Variants in MAPK4 observed in about 807,000 individuals in gnomAD.
The protein encoded by MAPK4 is Erk3-related.
A neutral mutation model predicts 47.7 loss-of-function variants in MAPK4; 22 were observed. The observed-to-expected ratio is 0.46, with a 90% CI of 0.33 to 0.66. The LOEUF is 0.66. MAPK4 is among the 30% of genes least tolerant of loss of function. The pLI is 0.02. For missense variants in MAPK4, 736 were observed against 831.7 expected (o/e 0.88, Z 1.42); for synonymous variants, 390 against 365.7 (o/e 1.07, Z -0.76).
At chr18:50,572,275 A>T (rs931580427) in intron 1 of MAPK4, among the ~76,000 whole-genome samples, 2 of 152,186 alleles carry the variant, frequency 1.3e-5, no homozygotes, top group Non-Finnish European at 2.9e-5. Context: ...TACACTATGA[A>T]TGAGAATATA....
intron 1 of MAPK4, among the ~76,000 whole-genome samples, chr18:50,619,167 T>C (rs1452253916): frequency 2.0e-5 from 3 of 152,244 alleles, no homozygotes; most frequent in African/African-American, 7.2e-5. Flanking sequence ...GCTAAAGGTA[T>C]AGGAAGTCCT....
chr18:50,656,623 A>T (rs2043112492), intron 1 of MAPK4, among the ~76,000 whole-genome samples: 1 of 152,178 alleles, frequency 6.6e-6, no homozygotes, highest in South Asian at 2.1e-4. Flanking sequence ...GAAAACCAGG[A>T]TCACTGGGGC....
chr18:50,674,074 T>C (rs1348983640), intron 2 of MAPK4, among the ~76,000 whole-genome samples: 1 of 152,126 alleles, frequency 6.6e-6, no homozygotes, highest in African/African-American at 2.4e-5. Flanking sequence ...AATAATGAGC[T>C]CCTCCTTCCT....
At chr18:50,710,407 C>T (rs985144448) in intron 2 of MAPK4, among the ~76,000 whole-genome samples, 22 of 152,126 alleles carry the variant, frequency 1.4e-4, no homozygotes, top group Admixed American at 8.5e-4. Context: ...CGCTTGAATC[C>T]GGGAGGCGGA....
chr18:50,580,335 G>A (rs2042332552), intron 1 of MAPK4, among the ~76,000 whole-genome samples: 2 of 152,208 alleles, frequency 1.3e-5, no homozygotes, highest in Admixed American at 1.3e-4. Flanking sequence ...ATGGGCTGCA[G>A]GATTGGGAGC....
At chr18:50,619,521 G>T (rs1287651769) in intron 1 of MAPK4, among the ~76,000 whole-genome samples, 16 of 151,898 alleles carry the variant, frequency 1.1e-4, no homozygotes, top group Admixed American at 1.0e-3. Context: ...TAGAGACAGG[G>T]TCTCACTGTG....
At chr18:50,605,378 G>A (rs1013874374) in intron 1 of MAPK4, among the ~76,000 whole-genome samples, 1 of 152,152 alleles carries the variant, frequency 6.6e-6, no homozygotes, top group Admixed American at 6.5e-5. Context: ...AGAAATGTCA[G>A]GGACAAAGAT....
intron 1 of MAPK4, among the ~76,000 whole-genome samples, chr18:50,608,965 A>G (rs1286982219): frequency 6.6e-6 from 1 of 151,956 alleles, no homozygotes; most frequent in African/African-American, 2.4e-5. Flanking sequence ...TTAACGAAGC[A>G]CATCTTGCAC....
intron 2 of MAPK4, among the ~76,000 whole-genome samples, chr18:50,686,739 C>T (rs1007718393): frequency 6.6e-6 from 1 of 152,204 alleles, no homozygotes; most frequent in African/African-American, 2.4e-5. Context: ...GTGGTACTCA[C>T]GGCCATCCAG....
chr18:50,595,293 C>T lies in MAPK4; in HGVS notation c.-871+35050C>T, dbSNP rs144438019. ...TAATAATCCCAAGTTGAAATCAACC[C>T]AAAGTTCCGTGAAAGCAGAATGGAT... On this transcript the variant is annotated intron_variant, in intron 1 of 5. Coordinates refer to ENST00000400384, the MANE Select transcript of MAPK4 (RefSeq NM_002747.4). 2.0e-5 allele frequency among the ~76,000 whole-genome samples: 3 copies of T among 152,154 alleles called. No individual in the cohort carries two copies. The East Asian group carries it at 5.8e-4, about 29-fold the overall frequency.
At chr18:50,727,710 T>C (rs1376703917) in intron 5 of MAPK4, among the ~76,000 whole-genome samples, 1 of 152,116 alleles carries the variant, frequency 6.6e-6, no homozygotes, top group Non-Finnish European at 1.5e-5. Context: ...TGACCACCCC[T>C]AAACCTGGTG....
chr18:50,646,956 C>T (rs1015505307), intron 1 of MAPK4, among the ~76,000 whole-genome samples: 10 of 152,138 alleles, frequency 6.6e-5, no homozygotes, highest in African/African-American at 2.4e-4. Flanking sequence ...TGTACTTTTC[C>T]ATCATATACT....
intron 2 of MAPK4, among the ~76,000 whole-genome samples, chr18:50,701,259 G>A (rs1441533216): frequency 6.8e-6 from 1 of 147,474 alleles, no homozygotes; most frequent in Non-Finnish European, 1.5e-5. Flanking sequence ...TGGAGTCCAT[G>A]AAACTTAACC....
intron 1 of MAPK4, among the ~76,000 whole-genome samples, chr18:50,588,452 T>C (rs1360592541): frequency 6.6e-6 from 1 of 152,220 alleles, no homozygotes; most frequent in Non-Finnish European, 1.5e-5. Context: ...GACCCTGGGC[T>C]CAAAAGCCCC....
chr18:50,625,656 G>T (rs531011396), intron 1 of MAPK4, among the ~76,000 whole-genome samples: 12 of 152,120 alleles, frequency 7.9e-5, no homozygotes, highest in African/African-American at 2.9e-4. Flanking sequence ...TTGTAGACTC[G>T]GGGTAGCACA....
At chr18:50,614,204 T>A (rs1443050341) in intron 1 of MAPK4, among the ~76,000 whole-genome samples, 1 of 152,142 alleles carries the variant, frequency 6.6e-6, no homozygotes, top group African/African-American at 2.4e-5. Flanking sequence ...CATTTCAGAA[T>A]AATCCTTAAT....
intron 1 of MAPK4, among the ~76,000 whole-genome samples, chr18:50,589,595 C>CAAA (rs35570696): frequency 2.8e-3 from 326 of 116,392 alleles, no homozygotes; most frequent in East Asian, 3.5e-3. Context: ...GACTCCGTCT[C>CAAA]AAAAAAAAAA....
At chr18:50,696,071 C>T (rs1909497041) in intron 2 of MAPK4, among the ~76,000 whole-genome samples, 1 of 147,088 alleles carries the variant, frequency 6.8e-6, no homozygotes, top group Non-Finnish European at 1.5e-5. Flanking sequence ...ATGCAGTGGG[C>T]AAGATGAGAG....
chr18:50,709,485 C>G (rs1910235532), intron 2 of MAPK4, among the ~76,000 whole-genome samples: 1 of 152,230 alleles, frequency 6.6e-6, no homozygotes, highest in South Asian at 2.1e-4. Context: ...ATTAGAAAAG[C>G]AGAGACACAC....
Sources: gnomAD v4.1 joint callset for allele counts (sites outside exome capture counted in the v4.1 genomes callset) on GRCh38, gnomAD v4.1.1 for gene constraint, MANE v1.5 for transcripts, NCBI Gene and HGNC (gene_info 2026-07-23, HGNC 2026-07-21) for gene names.